MAMDC2: variants seen among roughly 807,000 people sequenced by gnomAD.
MAMDC2 encodes MAM domain containing 2, also known as MAM domain-containing protein 2.
A neutral mutation model predicts 89.8 loss-of-function variants in MAMDC2; 57 were observed. The ratio of observed to expected loss-of-function variants is 0.63; its 90% CI spans 0.51 to 0.79. The LOEUF is 0.79. Ranked by LOEUF, MAMDC2 falls within the 30% of genes least tolerant of loss-of-function variation. MAMDC2 has a pLI of 0.00. For missense variants in MAMDC2, 800 were observed against 820.6 expected (o/e 0.97, Z 0.31); for synonymous variants, 313 against 293.4 (o/e 1.07, Z -0.68).
intron 12 of MAMDC2, among the ~76,000 whole-genome samples, chr9:70,224,058 A>G (rs932956939): frequency 9.2e-5 from 14 of 152,198 alleles, no homozygotes; most frequent in Admixed American, 5.2e-4. Context: ...CCAAAAAAAC[A>G]GATTTTATTG....
Position 70,108,391 on chromosome 9 carries a change from GC to G in MAMDC2, c.330del (p.Phe111LeufsTer17). 1.9e-6 allele frequency: 3 copies of G among 1,614,124 alleles called. No individual in the cohort carries two copies. The highest frequency in any genetic ancestry group is 2.5e-6 in the Non-Finnish European group (3 of 1,179,984). On this transcript the variant is annotated frameshift_variant, in exon 3 of 14. Coordinates refer to ENST00000377182, the MANE Select transcript of MAMDC2 (RefSeq NM_153267.5). LOFTEE classifies it high-confidence loss of function. The stretch of plus-strand genomic sequence containing the variant: ...CTCTACATGAGATTTGAAGATGAAA[GC>G]TTTGATCGCTTGCTTTGGTCAGCTA... ...LNLYMRFEDE[S>X]FDRLLWSAKE...
At position 70,124,903 on chromosome 9, in the gene MAMDC2, G is replaced by A. The variant is rs74533023; in HGVS notation, c.644-1256G>A. Among the ~76,000 whole-genome samples, 11 of 152,124 alleles carry A rather than the reference G, an allele frequency of 7.2e-5. No individual in the cohort carries two copies. The East Asian group carries it at 1.9e-3, about 27-fold the overall frequency. The stretch of plus-strand genomic sequence containing the variant: ...AGAAAGCTTTTCTGTAGAGACAGGG[G>A]TCTCACTATGTTGCCCAGGCTGGTC... On this transcript the variant is annotated intron_variant, in intron 5 of 13. Coordinates refer to ENST00000377182, the MANE Select transcript of MAMDC2 (RefSeq NM_153267.5).
intron 2 of MAMDC2, among the ~76,000 whole-genome samples, chr9:70,079,591 A>G (rs1322459114): frequency 2.0e-5 from 3 of 152,156 alleles, no homozygotes; most frequent in Non-Finnish European, 4.4e-5. Flanking sequence ...GTCAGCCTCC[A>G]TGAGTTATTT....
At chr9:70,165,309 A>G (rs923712560) in intron 9 of MAMDC2, among the ~76,000 whole-genome samples, 5 of 152,234 alleles carry the variant, frequency 3.3e-5, no homozygotes, top group African/African-American at 9.6e-5. Flanking sequence ...CTCAAGGAGC[A>G]TACAAAATGT....
intron 6 of MAMDC2, among the ~76,000 whole-genome samples, chr9:70,127,106 G>A (rs1183979862): frequency 1.3e-5 from 2 of 152,240 alleles, no homozygotes; most frequent in East Asian, 1.9e-4. Flanking sequence ...TTCTAAGCCC[G>A]TACATGAATA....
At chr9:70,215,215 G>A (rs1163675200) in intron 11 of MAMDC2, among the ~76,000 whole-genome samples, 7 of 151,798 alleles carry the variant, frequency 4.6e-5, no homozygotes, top group Admixed American at 6.6e-5. Context: ...GCAAGCCAAC[G>A]TAAGAATGTA....
At chr9:70,079,685 T>G (rs1827611816) in intron 2 of MAMDC2, among the ~76,000 whole-genome samples, 1 of 152,182 alleles carries the variant, frequency 6.6e-6, no homozygotes, top group African/African-American at 2.4e-5. Context: ...ACTTGTTTAT[T>G]CTCAGATGTC....
intron 11 of MAMDC2, among the ~76,000 whole-genome samples, chr9:70,190,247 T>C (rs2032849978): frequency 6.6e-6 from 1 of 152,174 alleles, no homozygotes; most frequent in South Asian, 2.1e-4. Context: ...TATTGCTGTT[T>C]GTTGTTTTTG....
At chr9:70,125,762 T>G (rs2030505691) in intron 5 of MAMDC2, among the ~76,000 whole-genome samples, 1 of 152,124 alleles carries the variant, frequency 6.6e-6, no homozygotes, top group Admixed American at 6.6e-5. Flanking sequence ...CTCTTCAGAG[T>G]CTTATGACTC....
chr9:70,160,254 A>G (rs1365883289), intron 9 of MAMDC2, among the ~76,000 whole-genome samples: 1 of 152,054 alleles, frequency 6.6e-6, no homozygotes, highest in Admixed American at 6.6e-5. Context: ...CCAGATGGTC[A>G]CCTGCCCTCT....
intron 12 of MAMDC2, among the ~76,000 whole-genome samples, chr9:70,222,374 G>A (rs1482363944): frequency 6.6e-6 from 1 of 152,092 alleles, no homozygotes; most frequent in Admixed American, 6.5e-5. Flanking sequence ...ATGAGTTCAG[G>A]GAAGAGAACA....
intron 2 of MAMDC2, among the ~76,000 whole-genome samples, chr9:70,096,790 A>G (rs553470702): frequency 6.6e-6 from 1 of 152,290 alleles, no homozygotes; most frequent in Non-Finnish European, 1.5e-5. Flanking sequence ...CATGGAGAAG[A>G]TAGAGGAGTA....
intron 11 of MAMDC2, chr9:70,194,275 T>C (rs1450789950): frequency 6.6e-6 from 1 of 152,138 alleles, no homozygotes; most frequent in Non-Finnish European, 1.5e-5. Context: ...TGCTATGATT[T>C]GAATGTGTCT....
At chr9:70,202,325 C>G (rs2033117892) in intron 11 of MAMDC2, among the ~76,000 whole-genome samples, 1 of 152,098 alleles carries the variant, frequency 6.6e-6, no homozygotes, top group African/African-American at 2.4e-5. Flanking sequence ...AGTAGTCATT[C>G]AGGAGCAGGC....
chr9:70,140,186 C>A lies in MAMDC2; in HGVS notation c.1036C>A (p.Gln346Lys), dbSNP rs2031161656. ...CGTGGAAGCCAGCTGCAATTTTGAG[C>A]AAGATCTCTGCAACTTTTACCAAGA... ...SAVEASCNFEQDLCNFYQDKE... is the reference protein window; with the variant it reads ...SAVEASCNFEKDLCNFYQDKE... Residue 346 changes from glutamine (Q) to lysine (K), a missense_variant, in exon 8 of 14, where the codon CAA (glutamine) becomes AAA (lysine). Coordinates refer to ENST00000377182, the MANE Select transcript of MAMDC2 (RefSeq NM_153267.5). 6.3e-7 allele frequency: 1 copy of A among 1,595,486 alleles called. No homozygotes were observed. The highest frequency in any genetic ancestry group is 1.8e-5 in the Admixed American group (1 of 54,292).
chr9:70,155,523 C>T (rs1025575698), intron 9 of MAMDC2, among the ~76,000 whole-genome samples: 10 of 152,182 alleles, frequency 6.6e-5, no homozygotes, highest in South Asian at 2.1e-4. Context: ...TTCCCTCTCT[C>T]GTAAATCTTC....
intron 8 of MAMDC2, among the ~76,000 whole-genome samples, chr9:70,141,196 G>A (rs973996751): frequency 6.6e-6 from 1 of 152,160 alleles, no homozygotes; most frequent in African/African-American, 2.4e-5. Context: ...TGCCTAACCT[G>A]TAGAAATAAA....
chr9:70,172,900 T>C (rs564855325), intron 11 of MAMDC2: 1 of 152,738 alleles, frequency 6.5e-6, no homozygotes, highest in African/African-American at 2.4e-5. Context: ...AAAATATAAC[T>C]AGAAAGGCCT....
intron 9 of MAMDC2, 144 bp downstream of exon 9, chr9:70,143,963 C>A: frequency 1.1e-6 from 1 of 913,398 alleles, no homozygotes; most frequent in Non-Finnish European, 1.7e-6. Flanking sequence ...TACTCCCAGC[C>A]ACATACAGGT....
Sources: gnomAD v4.1 joint callset for allele counts (sites outside exome capture counted in the v4.1 genomes callset) on GRCh38, gnomAD v4.1.1 for gene constraint, MANE v1.5 for transcripts, NCBI Gene and HGNC (gene_info 2026-07-23, HGNC 2026-07-21) for gene names.